GALNT14: variants seen among roughly 807,000 people sequenced by gnomAD.
GALNT14 encodes the protein UDP-GalNAc:polypeptide N-acetylgalactosaminyltransferase 14.
In GALNT14, 60 loss-of-function variants were observed where a neutral mutation model predicts 77.5. The ratio of observed to expected loss-of-function variants is 0.77; its 90% CI spans 0.63 to 0.96. The LOEUF is 0.96. Among genes scored for constraint, GALNT14 ranks in the 40% least tolerant of loss-of-function variants. GALNT14 has a pLI of 0.00. For missense variants in GALNT14, 710 were observed against 731.0 expected, an observed-to-expected ratio of 0.97 and a Z score of 0.33; for synonymous variants, 280 against 281.7, an observed-to-expected ratio of 0.99 and a Z score of 0.06.
intron 9 of GALNT14, among the ~76,000 whole-genome samples, chr2:30,938,128 T>C (rs1400885141): frequency 3.4e-5 from 5 of 148,188 alleles, no homozygotes. Context: ...CAGCAGGTGG[T>C]GGTACTTCCT....
the GALNT14 span, among the ~76,000 whole-genome samples, chr2:30,899,274 C>A: frequency 1.3e-5 from 2 of 152,178 alleles, no homozygotes; most frequent in African/African-American, 2.4e-5. Context: ...GGGAAGGACC[C>A]ACCACCCCCT....
At chr2:30,940,903 A>T (rs762697597) in intron 9 of GALNT14, among the ~76,000 whole-genome samples, 1 of 152,086 alleles carries the variant, frequency 6.6e-6, no homozygotes, top group Non-Finnish European at 1.5e-5. Context: ...TCCAGTCTGG[A>T]CCCTGTATGG....
In GALNT14 at chr2:31,120,029, G is replaced by C. The variant is rs866133345; in HGVS notation, c.129+17929C>G. Among the ~76,000 whole-genome samples, 276 of 123,010 alleles carry C rather than the reference G, an allele frequency of 2.2e-3. 29 individuals are homozygous for C. Among genetic ancestry groups the C allele is most frequent in the African/African-American group, 7.0e-3 (264 of 37,960 alleles). The allele number at this position is 123,010 out of a possible 152,430, so 80.7% of individuals were successfully genotyped here. A position where few individuals can be genotyped will look rare whatever the true frequency, so the allele number is the denominator to read the frequency against. ...AAATTAGCCGGGCGTGGTAGCGGGC[G>C]CCTGTAGTCCCAGCTACTCGGGAGG... On this transcript the variant is annotated intron_variant, in intron 1 of 14. Coordinates refer to ENST00000349752, the MANE Select transcript of GALNT14 (RefSeq NM_024572.4).
chr2:30,901,703 A>G, the GALNT14 span, among the ~76,000 whole-genome samples: 5 of 151,824 alleles, frequency 3.3e-5, no homozygotes, highest in Admixed American at 6.6e-5. Context: ...GTGTGTGTGT[A>G]TATATATACA....
intron 1 of GALNT14, among the ~76,000 whole-genome samples, chr2:31,109,166 C>A (rs1243679989): frequency 6.6e-6 from 1 of 152,202 alleles, no homozygotes; most frequent in Admixed American, 6.5e-5. Context: ...TGGAATGCAG[C>A]TGTTAGTTAC....
chr2:31,031,887 G>T lies in GALNT14; in HGVS notation c.130-38880C>A, dbSNP rs145792743. Among the ~76,000 whole-genome samples, 6 of 152,142 alleles carry T rather than the reference G, an allele frequency of 3.9e-5. No individual in the cohort carries two copies. In the South Asian group the frequency reaches 1.2e-3, roughly 32 times the overall value. ...TGGACACAAAATGCTGGGATACAGT[G>T]TTCTCTCTCTAGCAAGAGTCTTCCT... is the stretch of plus-strand genomic sequence containing the variant. On this transcript the variant is annotated intron_variant, in intron 1 of 14. Transcript: ENST00000349752.
chr2:31,088,694 G>A (rs1229571822), intron 1 of GALNT14, among the ~76,000 whole-genome samples: 1 of 152,194 alleles, frequency 6.6e-6, no homozygotes, highest in East Asian at 1.9e-4. Context: ...ACTAATACAA[G>A]GGAAAATATG....
chr2:31,000,053 C>T (rs952999582), intron 1 of GALNT14, among the ~76,000 whole-genome samples: 1 of 152,176 alleles, frequency 6.6e-6, no homozygotes, highest in Non-Finnish European at 1.5e-5. Context: ...CTTCCACTGT[C>T]CAGGTGGAAC....
intron 13 of GALNT14, among the ~76,000 whole-genome samples, 184 bp from the exon 14 acceptor site, chr2:30,912,526 T>A (rs1664429745): frequency 6.6e-6 from 1 of 152,170 alleles, no homozygotes; most frequent in Admixed American, 6.5e-5. Flanking sequence ...GGAGGTCATA[T>A]CTCCATGGAA....
intron 1 of GALNT14, chr2:31,129,273 T>G: frequency 1.7e-6 from 1 of 581,422 alleles, no homozygotes; most frequent in Non-Finnish European, 2.2e-6. Context: ...ATAATAACAC[T>G]CACCTCACAA....
chr2:31,029,813 T>C (rs1009162320), intron 1 of GALNT14, among the ~76,000 whole-genome samples: 1 of 152,238 alleles, frequency 6.6e-6, no homozygotes, highest in Middle Eastern at 3.2e-3. Flanking sequence ...CTATCTTGAT[T>C]GACTACTATA....
chr2:31,115,256 A>C (rs1295770785), intron 1 of GALNT14, among the ~76,000 whole-genome samples: 1 of 151,856 alleles, frequency 6.6e-6, no homozygotes, highest in African/African-American at 2.4e-5. Context: ...GTTTCAAAAA[A>C]ATTACAAAAA....
intron 1 of GALNT14, among the ~76,000 whole-genome samples, chr2:31,018,692 A>C (rs139466701): frequency 2.0e-5 from 3 of 152,192 alleles, no homozygotes; most frequent in Non-Finnish European, 4.4e-5. Context: ...GACAAATGAC[A>C]TCTGGAAAAG....
the GALNT14 span, among the ~76,000 whole-genome samples, chr2:30,901,257 T>TGAGTGAGTCTCAGATCACTCAAGA: frequency 2.0e-5 from 3 of 152,148 alleles, no homozygotes; most frequent in Non-Finnish European, 2.9e-5. Flanking sequence ...AAGGAAACTG[T>TGAGTGAGTCTCAGATCACTCAAGA]GAGTGAGTCT....
intron 3 of GALNT14, among the ~76,000 whole-genome samples, chr2:30,963,427 C>T (rs185819022): frequency 9.2e-5 from 14 of 152,292 alleles, no homozygotes; most frequent in South Asian, 4.1e-4. Context: ...ACATTTAACA[C>T]GGTAATCTTA....
chr2:31,095,190 G>A (rs542244731), intron 1 of GALNT14, among the ~76,000 whole-genome samples: 1 of 152,290 alleles, frequency 6.6e-6, no homozygotes, highest in South Asian at 2.1e-4. Flanking sequence ...AATCTTGATA[G>A]AGATTTGTTG....
At chr2:31,071,417 A>G (rs1241155795) in intron 1 of GALNT14, among the ~76,000 whole-genome samples, 1 of 152,034 alleles carries the variant, frequency 6.6e-6, no homozygotes, top group Non-Finnish European at 1.5e-5. Flanking sequence ...CTTTGAGGAG[A>G]GCAATTAGGA....
chr2:30,960,644 C>T (rs1037483445), intron 3 of GALNT14, among the ~76,000 whole-genome samples: 10 of 152,122 alleles, frequency 6.6e-5, no homozygotes, highest in African/African-American at 2.4e-4. Context: ...TGGGCACGTG[C>T]TCTGGGTGGT....
the GALNT14 span, among the ~76,000 whole-genome samples, chr2:30,898,061 G>A: frequency 1.3e-5 from 2 of 152,172 alleles, no homozygotes; most frequent in Non-Finnish European, 2.9e-5. Context: ...GTTAAGGAGT[G>A]CAGCCTTGGG....
Sources: gnomAD v4.1 joint callset for allele counts (sites outside exome capture counted in the v4.1 genomes callset) on GRCh38, gnomAD v4.1.1 for gene constraint, MANE v1.5 for transcripts, NCBI Gene and HGNC (gene_info 2026-07-23, HGNC 2026-07-21) for gene names.